The following PRKG1 variants were observed in gnomAD, a reference collection of about 807,000 sequenced individuals.
PRKG1 encodes the protein cGMP-dependent protein kinase 1.
PRKG1 carries 35 observed loss-of-function variants against 88.1 expected under a neutral mutation model. That is an observed-to-expected ratio of 0.40 (90% confidence interval 0.30 to 0.53). The LOEUF (loss-of-function observed/expected upper bound fraction) is 0.53, where lower values mean the gene tolerates loss of function less well. Ranked by LOEUF, PRKG1 falls within the 20% of genes least tolerant of loss-of-function variation. The pLI is 0.59. For missense variants in PRKG1, 540 were observed against 839.8 expected (o/e 0.64, Z 4.41); for synonymous variants, 303 against 292.5 (o/e 1.04, Z -0.37).
chr10:51,854,427 A>G (rs1045958229), intron 4 of PRKG1, among the ~76,000 whole-genome samples: 1 of 152,136 alleles, frequency 6.6e-6, no homozygotes, highest in Non-Finnish European at 1.5e-5. Context: ...TCACATGATA[A>G]TGTCACCCTG....
chr10:51,452,627 C>T (rs556163108), intron 2 of PRKG1, among the ~76,000 whole-genome samples: 1 of 152,058 alleles, frequency 6.6e-6, no homozygotes, highest in East Asian at 1.9e-4. Context: ...ATCACTGCAT[C>T]CCTGGTATAA....
intron 7 of PRKG1, among the ~76,000 whole-genome samples, chr10:52,074,054 T>C (rs534836917): frequency 2.0e-5 from 3 of 152,346 alleles, no homozygotes; most frequent in African/African-American, 7.2e-5. Flanking sequence ...TGTTTGAATT[T>C]ACTTAATAAT....
intron 3 of PRKG1, among the ~76,000 whole-genome samples, chr10:51,490,549 T>A (rs1840677954): frequency 6.6e-6 from 1 of 152,122 alleles, no homozygotes; most frequent in South Asian, 2.1e-4. Flanking sequence ...CTCATACTAG[T>A]GTTTTTTATT....
intron 2 of PRKG1, chr10:51,320,584 A>T (rs1335165566): frequency 6.6e-6 from 1 of 152,356 alleles, no homozygotes; most frequent in Admixed American, 6.5e-5. Flanking sequence ...ATGCAGGCAA[A>T]TCCAGAACCA....
chr10:51,472,397 T>G (rs1161999889), intron 3 of PRKG1, among the ~76,000 whole-genome samples: 1 of 151,974 alleles, frequency 6.6e-6, no homozygotes, highest in Non-Finnish European at 1.5e-5. Flanking sequence ...TTCAACTGAA[T>G]TTTTTGCTGT....
intron 2 of PRKG1, among the ~76,000 whole-genome samples, chr10:51,234,518 T>A (rs1166298738): frequency 2.6e-5 from 4 of 152,196 alleles, no homozygotes; most frequent in Admixed American, 2.6e-4. Context: ...TGGGTTGGAA[T>A]TGAACCTTTA....
At chr10:51,530,906 A>G (rs907580483) in intron 3 of PRKG1, among the ~76,000 whole-genome samples, 10 of 152,120 alleles carry the variant, frequency 6.6e-5, no homozygotes, top group African/African-American at 2.2e-4. Context: ...AAATCTCCTT[A>G]TGGGCCCGGG....
At chr10:51,735,731 G>T (rs1353425159) in intron 3 of PRKG1, among the ~76,000 whole-genome samples, 2 of 151,534 alleles carry the variant, frequency 1.3e-5, no homozygotes, top group Non-Finnish European at 2.9e-5. Context: ...TTGTTATACT[G>T]CATTATTTAG....
intron 9 of PRKG1, among the ~76,000 whole-genome samples, chr10:52,217,352 C>CTA (rs76704412): frequency 2.5e-4 from 38 of 149,976 alleles, no homozygotes; most frequent in South Asian, 4.2e-4. Flanking sequence ...ATCTATCTAT[C>CTA]TATATATATA....
intron 7 of PRKG1, among the ~76,000 whole-genome samples, chr10:52,116,570 TACTC>T (rs891649992): frequency 2.8e-4 from 43 of 151,996 alleles, no homozygotes; most frequent in African/African-American, 9.7e-4. Flanking sequence ...CAGAGGGTCT[TACTC>T]ACTGTGAAGA....
At chr10:51,673,810 C>A (rs1335573936) in intron 3 of PRKG1, among the ~76,000 whole-genome samples, 1 of 152,146 alleles carries the variant, frequency 6.6e-6, no homozygotes, top group African/African-American at 2.4e-5. Context: ...CATCTGAAGT[C>A]TAATGATTTG....
At chr10:52,175,817 C>G (rs532548258) in intron 9 of PRKG1, among the ~76,000 whole-genome samples, 1 of 152,126 alleles carries the variant, frequency 6.6e-6, no homozygotes, top group African/African-American at 2.4e-5. Flanking sequence ...CAGTTCAAAT[C>G]CTTTGCCCAT....
chr10:52,102,893 T>C (rs1847329722), intron 7 of PRKG1, among the ~76,000 whole-genome samples: 2 of 152,158 alleles, frequency 1.3e-5, no homozygotes. Context: ...TGGTACCATA[T>C]AGCTGGGGTC....
chr10:51,654,992 C>G (rs1039226560), intron 3 of PRKG1, among the ~76,000 whole-genome samples: 3 of 152,144 alleles, frequency 2.0e-5, no homozygotes, highest in Admixed American at 2.0e-4. Context: ...TTTAGAATTT[C>G]TGTATTTTTC....
At chr10:51,747,293 A>G (rs4466778) in intron 3 of PRKG1, among the ~76,000 whole-genome samples, 91,779 of 152,010 alleles carry the variant, frequency 0.6, 28,728 homozygotes, top group African/African-American at 0.73. Flanking sequence ...TTGCTAAGGA[A>G]CAAGCTGTGC....
intron 4 of PRKG1, among the ~76,000 whole-genome samples, chr10:51,869,664 G>A (rs1236932345): frequency 3.9e-5 from 6 of 151,982 alleles, no homozygotes. Flanking sequence ...ACAACATTAT[G>A]TGCATACTTA....
At chr10:52,041,555 T>C (rs979160197) in intron 5 of PRKG1, among the ~76,000 whole-genome samples, 3 of 152,160 alleles carry the variant, frequency 2.0e-5, no homozygotes, top group Non-Finnish European at 2.9e-5. Context: ...GGAATTAGTA[T>C]AGTTCTTTAA....
chr10:51,591,963 C>G (rs1838323141), intron 3 of PRKG1, among the ~76,000 whole-genome samples: 1 of 152,126 alleles, frequency 6.6e-6, no homozygotes, highest in Non-Finnish European at 1.5e-5. Flanking sequence ...ACTCTATTCC[C>G]CCTGTTAGGG....
At chr10:51,366,957 C>G (rs995307612) in intron 2 of PRKG1, among the ~76,000 whole-genome samples, 1 of 151,878 alleles carries the variant, frequency 6.6e-6, no homozygotes, top group Admixed American at 6.6e-5. Context: ...GTGTTGTAAT[C>G]CAGGTGTCTT....
Sources: allele counts gnomAD v4.1 joint callset (sites outside exome capture counted in the v4.1 genomes callset), GRCh38; gene constraint gnomAD v4.1.1; transcripts MANE v1.5; gene names NCBI Gene and HGNC (gene_info 2026-07-23, HGNC 2026-07-21).